PCDH15: variants seen among roughly 807,000 people sequenced by gnomAD.
PCDH15 encodes the protein protocadherin related 15.
PCDH15 carries 129 observed loss-of-function variants against 178.5 expected under a neutral mutation model. The observed-to-expected ratio is 0.72, with a 90% CI of 0.63 to 0.84. The LOEUF (loss-of-function observed/expected upper bound fraction) is 0.84, where lower values mean the gene tolerates loss of function less well. PCDH15 is among the 40% of genes least tolerant of loss of function. The probability of loss-of-function intolerance (pLI) is 0.00; values close to 1 mark genes in which losing one functional copy is unlikely to be tolerated. For synonymous variants in PCDH15, 800 were observed against 732.0 expected (o/e 1.09, Z -1.50); for missense variants, 2,230 against 2,099.9 (o/e 1.06, Z -1.21).
At chr10:54,365,818 T>C (rs900025250) in intron 5 of PCDH15, among the ~76,000 whole-genome samples, 1 of 152,126 alleles carries the variant, frequency 6.6e-6, no homozygotes, top group African/African-American at 2.4e-5. Flanking sequence ...AGAAAGACAT[T>C]TGAAACCTTG....
chr10:54,515,302 A>T (rs1053483174), intron 3 of PCDH15, among the ~76,000 whole-genome samples: 7 of 152,236 alleles, frequency 4.6e-5, no homozygotes, highest in South Asian at 4.1e-4. Context: ...CAACGGGCTT[A>T]AAAAACGGCA....
intron 26 of PCDH15, among the ~76,000 whole-genome samples, chr10:53,878,271 C>T (rs1313743257): frequency 7.4e-6 from 1 of 134,818 alleles, no homozygotes; most frequent in East Asian, 2.1e-4. Flanking sequence ...TAAACTATGG[C>T]ATACACACAC....
chr10:53,975,088 C>T (rs2090076400), intron 21 of PCDH15, among the ~76,000 whole-genome samples: 1 of 152,282 alleles, frequency 6.6e-6, no homozygotes, highest in Non-Finnish European at 1.5e-5. Flanking sequence ...CCAGCTGCAT[C>T]AATATTGCTG....
chr10:54,064,890 C>T (rs1050259921), intron 18 of PCDH15, among the ~76,000 whole-genome samples: 2 of 152,186 alleles, frequency 1.3e-5, no homozygotes, highest in Admixed American at 6.5e-5. Flanking sequence ...GCTGGAGCTA[C>T]ACCCAGGATG....
At chr10:55,520,579 A>G (rs1024023679) in intron 2 of PCDH15, among the ~76,000 whole-genome samples, 3 of 150,428 alleles carry the variant, frequency 2.0e-5, no homozygotes, top group African/African-American at 7.3e-5. Context: ...AAGAACATAA[A>G]TCATTCTTAT....
intron 2 of PCDH15, among the ~76,000 whole-genome samples, chr10:55,043,836 C>T (rs1323699652): frequency 6.6e-6 from 1 of 152,042 alleles, no homozygotes; most frequent in Non-Finnish European, 1.5e-5. Context: ...TACTTGCTTA[C>T]ATAGCCAGTT....
intron 21 of PCDH15, among the ~76,000 whole-genome samples, chr10:53,971,720 C>T (rs1312501142): frequency 6.6e-6 from 1 of 152,060 alleles, no homozygotes; most frequent in African/African-American, 2.4e-5. Context: ...ACCTGGGAAC[C>T]CTACTTACAA....
At chr10:53,970,774 C>A (rs995140235) in intron 21 of PCDH15, among the ~76,000 whole-genome samples, 3 of 151,932 alleles carry the variant, frequency 2.0e-5, no homozygotes, top group Non-Finnish European at 4.4e-5. Flanking sequence ...CAATAACAGG[C>A]TCTGAAATTG....
At chr10:54,091,616 A>G (rs568743661) in intron 15 of PCDH15, among the ~76,000 whole-genome samples, 1 of 152,332 alleles carries the variant, frequency 6.6e-6, no homozygotes, top group South Asian at 2.1e-4. Flanking sequence ...TTCAGTCAGT[A>G]ATAAACTACT....
chr10:54,430,343 C>T (rs1956818364), intron 3 of PCDH15, among the ~76,000 whole-genome samples: 2 of 152,046 alleles, frequency 1.3e-5, no homozygotes, highest in Admixed American at 1.3e-4. Flanking sequence ...GCGTGAGCCA[C>T]CACACCCGGC....
chr10:54,933,871 A>T (rs1231857462), intron 2 of PCDH15, among the ~76,000 whole-genome samples: 1 of 152,144 alleles, frequency 6.6e-6, no homozygotes, highest in African/African-American at 2.4e-5. Flanking sequence ...TCCGTAGACA[A>T]TTGCTTTAGC....
At chr10:55,234,710 A>C (rs1185070442) in intron 1 of PCDH15, among the ~76,000 whole-genome samples, 1 of 152,024 alleles carries the variant, frequency 6.6e-6, no homozygotes, top group East Asian at 1.9e-4. Flanking sequence ...GAGATTTCTG[A>C]TAAAACATGT....
At chr10:55,112,430 T>C (rs1837532517) in intron 2 of PCDH15, among the ~76,000 whole-genome samples, 2 of 151,160 alleles carry the variant, frequency 1.3e-5, no homozygotes, top group African/African-American at 4.9e-5. Flanking sequence ...ATAGGAAAAA[T>C]GAGGCAGGAA....
chr10:55,461,130 T>G (rs903322018), intron 2 of PCDH15, among the ~76,000 whole-genome samples: 6 of 152,162 alleles, frequency 3.9e-5, no homozygotes, highest in Non-Finnish European at 7.4e-5. Context: ...GTATTCACAC[T>G]GATCGGTACT....
chr10:55,604,171 G>A (rs1392667480), intron 2 of PCDH15, among the ~76,000 whole-genome samples: 2 of 104,800 alleles, frequency 1.9e-5, no homozygotes, highest in Non-Finnish European at 3.9e-5. Flanking sequence ...ATGGTAAAGG[G>A]ATCAATTCAA....
intron 3 of PCDH15, among the ~76,000 whole-genome samples, chr10:54,505,722 C>CCACCATAGCACGTGTATACCTGTG (rs1453277594): frequency 7.8e-4 from 119 of 152,112 alleles, no homozygotes; most frequent in Middle Eastern, 3.4e-3. Context: ...GAGCAGCAAA[C>CCACCATAGCACGTGTATACCTGTG]CACCATAGCA....
Position 54,236,934 on chromosome 10 carries a change from GAA to G in PCDH15, c.877-5_877-4del, listed in dbSNP as rs200395027. ...ACAATAATGGGGTTCAGTTCTTCCT[GAA>G]AAAAAAATTAAGAGAGTTTCATTCA... On this transcript the variant is annotated splice_region_variant and splice_polypyrimidine_tract_variant and intron_variant, in intron 8 of 37. Coordinates refer to ENST00000644397, the MANE Select transcript of PCDH15 (RefSeq NM_001384140.1). 1.3e-6 allele frequency: 2 copies of G among 1,599,710 alleles called. No individual in the cohort carries two copies. The highest frequency in any genetic ancestry group is 1.7e-6 in the Non-Finnish European group (2 of 1,168,792).
rs997665682 is a variant in PCDH15, at chr10:54,198,633, T to C, written c.1099-2744A>G. Among the ~76,000 whole-genome samples, 72 of 113,472 alleles carry C rather than the reference T, an allele frequency of 6.3e-4. 6 individuals carry two copies. Among genetic ancestry groups the C allele is most frequent in the East Asian group, 3.4e-3 (14 of 4,120 alleles). The allele number at this position is 113,472 out of a possible 152,430, so 74.4% of individuals were successfully genotyped here. On this transcript the variant is annotated intron_variant, in intron 10 of 37. Transcript: ENST00000644397. ...TCTCCTGCCTCAGCCTCCCAAGTAG[T>C]TGGGACTACAGGCGCCCGCCACTAC...
intron 1 of PCDH15, among the ~76,000 whole-genome samples, chr10:55,252,288 A>G (rs550837800): frequency 6.6e-6 from 1 of 152,268 alleles, no homozygotes; most frequent in Non-Finnish European, 1.5e-5. Flanking sequence ...CCCAAATAGG[A>G]GTGCAAATAA....
Sources: allele counts gnomAD v4.1 joint callset (sites outside exome capture counted in the v4.1 genomes callset), GRCh38; gene constraint gnomAD v4.1.1; transcripts MANE v1.5; gene names NCBI Gene and HGNC (gene_info 2026-07-23, HGNC 2026-07-21).